NECAB2: variants seen among roughly 807,000 people sequenced by gnomAD.
NECAB2 encodes N-terminal EF-hand calcium binding protein 2, also known as N-terminal EF-hand calcium-binding protein 2.
Under a neutral mutation model 51.9 loss-of-function variants are expected in NECAB2, and 68 were observed. The observed-to-expected ratio is 1.31, with a 90% CI of 1.08 to 1.60. The LOEUF (loss-of-function observed/expected upper bound fraction) is 1.60. Among genes scored for constraint, NECAB2 ranks in the 40% most tolerant of loss-of-function variants. The pLI is 0.00. For synonymous variants in NECAB2, 329 were observed against 203.5 expected (o/e 1.62, Z -5.25); for missense variants, 854 against 490.3 (o/e 1.74, Z -7.00).
At chr16:83,975,366 G>A (rs2084397414) in intron 2 of NECAB2, among the ~76,000 whole-genome samples, 1 of 152,068 alleles carries the variant, frequency 6.6e-6, no homozygotes, top group Non-Finnish European at 1.5e-5. Flanking sequence ...ATGAGAACAG[G>A]TGTGCAGGGG....
intron 9 of NECAB2, among the ~76,000 whole-genome samples, chr16:83,997,479 C>CT (rs11296947): frequency 0.083 from 4,444 of 53,286 alleles, 852 homozygotes; most frequent in African/African-American, 0.16. Context: ...CTCCCTGGAC[C>CT]TTTTTTTTTT....
rs1166179084 is a variant in NECAB2 at position 83,987,351 on chromosome 16, C to A, written c.460-3143C>A. ...ACTAAATTGCGTTTTGTCATTAAATCTTTGTGTTTCTAATGGTTTTCCTTT... is the reference window on the plus strand; with the variant it reads ...ACTAAATTGCGTTTTGTCATTAAATATTTGTGTTTCTAATGGTTTTCCTTT... On this transcript the variant is annotated intron_variant, in intron 5 of 12. Coordinates refer to ENST00000305202, the MANE Select transcript of NECAB2 (RefSeq NM_019065.3). Among the ~76,000 whole-genome samples, 3 of 152,138 alleles carry A rather than the reference C, an allele frequency of 2.0e-5. 1 individual carries two copies. Among genetic ancestry groups the A allele is most frequent in the Non-Finnish European group, 1.5e-5 (1 of 68,030 alleles).
Position 83,981,057 on chromosome 16 carries a change from A to G in NECAB2, c.389A>G (p.Tyr130Cys). The change falls in exon 5 of 13, where the codon TAT (tyrosine) becomes TGT (cysteine). Residue 130 changes from tyrosine to cysteine, a missense_variant. Transcript: ENST00000305202. ...CDYFVDHMGD[Y>C]EDVLASLETL... ...TACTTTGTGGACCACATGGGTGACTATGAGGATGTCCTGGCCTCCCTGGAG... is the reference window on the plus strand; with the variant it reads ...TACTTTGTGGACCACATGGGTGACTGTGAGGATGTCCTGGCCTCCCTGGAG... 2.5e-6 allele frequency: 4 copies of G among 1,614,078 alleles called. No homozygotes were observed. The highest frequency in any genetic ancestry group is 1.1e-5 in the South Asian group (1 of 91,076).
At chr16:83,978,641 G>C (rs1404323425) in intron 3 of NECAB2, 89 bp downstream of exon 3, 1 of 1,147,374 alleles carries the variant, frequency 8.7e-7, no homozygotes, top group Non-Finnish European at 1.3e-6. Context: ...CTAGTCCCCT[G>C]TAAGGGGCAG....
chr16:83,989,529 A>C (rs1311754838), intron 5 of NECAB2, among the ~76,000 whole-genome samples: 1 of 152,196 alleles, frequency 6.6e-6, no homozygotes, highest in Non-Finnish European at 1.5e-5. Flanking sequence ...GGGACTGGGC[A>C]GAAATCCAAG....
rs2084813985 is a variant in NECAB2 at position 84,000,770 on chromosome 16, G to C, written c.1009G>C (p.Glu337Gln). Residue 337 changes from glutamate to glutamine, a missense_variant, in exon 11 of 13, where the codon GAG becomes CAG. Transcript: ENST00000305202. ...AGATGGCTTCACCTTTGTCATCTAT[G>C]AGTTCTGGGAGACAGAGGAGGCGTG... is the stretch of plus-strand genomic sequence containing the variant. ...LSDGFTFVIY[E>Q]FWETEEAWKR... 2 of 1,613,720 alleles carry C rather than the reference G, an allele frequency of 1.2e-6. No homozygotes were observed. Among genetic ancestry groups the C allele is most frequent in the Non-Finnish European group, 1.7e-6 (2 of 1,180,002 alleles).
chr16:84,001,950 C>T (rs1191037900), intron 12 of NECAB2, 34 bp downstream of exon 12: 3 of 1,602,348 alleles, frequency 1.9e-6, no homozygotes, highest in East Asian at 2.2e-5. Flanking sequence ...GCAGTGGCCA[C>T]CTGACTGGAG....
chr16:83,997,459 T>C (rs2084726127), intron 9 of NECAB2, among the ~76,000 whole-genome samples, 190 bp downstream of exon 9: 1 of 149,430 alleles, frequency 6.7e-6, no homozygotes, highest in African/African-American at 2.5e-5. Context: ...TCCGGGGGTA[T>C]TTCTTGAGGC....
At position 83,997,811 on chromosome 16, in the gene NECAB2, G is replaced by A. The variant is rs1293985142; in HGVS notation, c.850-394G>A. On this transcript the variant is annotated intron_variant, in intron 9 of 12. Transcript: ENST00000305202. Reference sequence around the variant, plus strand: ...CCTGGCCCAGAGGCTCCTGGACTTTGATCCAAAAAAGGTTTGGCATAGAGC... The same window carrying A: ...CCTGGCCCAGAGGCTCCTGGACTTTAATCCAAAAAAGGTTTGGCATAGAGC... Among the ~76,000 whole-genome samples, 4 of 152,030 alleles carry A rather than the reference G, an allele frequency of 2.6e-5. No homozygotes were observed. In the East Asian group the frequency reaches 7.7e-4, roughly 29 times the overall value.
Position 83,994,312 on chromosome 16 carries a change from A to G in NECAB2, c.607A>G (p.Ile203Val), listed in dbSNP as rs1436015028. 6.2e-7 allele frequency: 1 copy of G among 1,614,212 alleles called. No individual in the cohort carries two copies. The highest frequency in any genetic ancestry group is 1.1e-5 in the South Asian group (1 of 91,082). Reference sequence around the variant, plus strand: ...CCATCCAAACTGCAGACAGAACCACATCAAACCCAGCCACAGCGCGGCACA... The same window carrying G: ...CCATCCAAACTGCAGACAGAACCACGTCAAACCCAGCCACAGCGCGGCACA... ...EQTSQLRQNH[I>V]KPSHSAAQTW... The change falls in exon 7 of 13, where the codon ATC becomes GTC. Residue 203 changes from isoleucine to valine, a missense_variant. Transcript: ENST00000305202.
intron 11 of NECAB2, 28 bp downstream of exon 11, chr16:84,000,829 GAGGGAGACAGAGGGAA>G (rs1567681331): frequency 1.9e-6 from 3 of 1,602,732 alleles, no homozygotes; most frequent in South Asian, 1.1e-5. Context: ...CACAGCAGGT[GAGGGAGACAGAGGGAA>G]GTGGGGGGGC....
chr16:83,969,974 C>T (rs918016080), intron 1 of NECAB2, among the ~76,000 whole-genome samples: 5 of 152,204 alleles, frequency 3.3e-5, no homozygotes, highest in African/African-American at 9.6e-5. Flanking sequence ...TAGAGTGCCA[C>T]ACTCGCAGGC....
intron 5 of NECAB2, among the ~76,000 whole-genome samples, chr16:83,990,085 C>T (rs943743804): frequency 9.2e-5 from 14 of 152,200 alleles, no homozygotes; most frequent in African/African-American, 2.9e-4. Context: ...AACAAAACTA[C>T]CAGTCACTAT....
At chr16:83,972,247 G>A (rs560929408) in intron 2 of NECAB2, 72 bp downstream of exon 2, 3 of 1,607,384 alleles carry the variant, frequency 1.9e-6, no homozygotes, top group Admixed American at 1.7e-5. Flanking sequence ...AGGGATCAGG[G>A]ATAGGAGACA....
rs2271297 is a variant in NECAB2, at chr16:84,001,779, G to A, written c.1041-46G>A. 2.1e-4 allele frequency: 338 copies of A among 1,602,504 alleles called. 1 individual carries two copies. The East Asian group carries it at 5.0e-3, about 24-fold the overall frequency. On this transcript the variant is annotated intron_variant, in intron 11 of 12. Coordinates refer to ENST00000305202, the MANE Select transcript of NECAB2 (RefSeq NM_019065.3). The stretch of plus-strand genomic sequence containing the variant: ...GATTAACAGGGGAGCCACACGCGGA[G>A]CTCCACTCCTGCCACCCCTGACTCA...
chr16:83,975,331 C>T (rs1018880711), intron 2 of NECAB2, among the ~76,000 whole-genome samples: 10 of 149,522 alleles, frequency 6.7e-5, no homozygotes, highest in African/African-American at 1.2e-4. Context: ...GGTGTGGGTG[C>T]GGGGATGGGA....
rs954657053 is a variant in NECAB2 at position 84,001,916 on chromosome 16, G to C, written c.1132G>C (p.Ala378Pro). The change falls in exon 12 of 13, where the codon GCT (alanine) becomes CCT (proline). Residue 378 changes from alanine (A) to proline (P), a missense_variant and splice_region_variant. Ala to Pro is a conservative substitution (Grantham distance 27, BLOSUM62 -1). Coordinates refer to ENST00000305202, the MANE Select transcript of NECAB2 (RefSeq NM_019065.3). ...PEALSRILVP[A>P]AWCTVGRD ...GGCCCTCTCCAGGATCTTGGTGCCA[G>C]GTAGGGGGCAAAGGCCTGGAACTGC... The C allele has an allele frequency of 2.5e-6, 4 of 1,613,876 alleles. No individual in the cohort carries two copies. Among genetic ancestry groups the C allele is most frequent in the South Asian group, 1.1e-5 (1 of 91,064 alleles).
intron 2 of NECAB2, among the ~76,000 whole-genome samples, chr16:83,976,578 G>T (rs778815823): frequency 1.8e-4 from 27 of 152,154 alleles, no homozygotes; most frequent in Non-Finnish European, 2.9e-4. Context: ...TGACTTTGCG[G>T]ACTTTTAGTT....
At chr16:83,967,072 A>C (rs2151081309), upstream of NECAB2, among the ~76,000 whole-genome samples, 1 of 152,202 alleles carries the variant, frequency 6.6e-6, no homozygotes, top group East Asian at 1.9e-4. Flanking sequence ...GGGTTTCACC[A>C]TGTTGGCCAG....
Sources: allele counts gnomAD v4.1 joint callset (sites outside exome capture counted in the v4.1 genomes callset), GRCh38; gene constraint gnomAD v4.1.1; transcripts MANE v1.5; gene names NCBI Gene and HGNC (gene_info 2026-07-23, HGNC 2026-07-21).